SF3A1: variants seen among roughly 807,000 people sequenced by gnomAD.
SF3A1 encodes the protein SAP 114.
In SF3A1, 13 loss-of-function variants were observed where a neutral mutation model predicts 89.9. The ratio of observed to expected loss-of-function variants is 0.14; its 90% CI spans 0.09 to 0.23. SF3A1 has a LOEUF of 0.23. SF3A1 is among the 10% of genes least tolerant of loss of function. The pLI, the probability that SF3A1 is intolerant of heterozygous loss-of-function variation, is 1.00. For missense variants in SF3A1, 604 were observed against 1,022.1 expected, an observed-to-expected ratio of 0.59 and a Z score of 5.58; for synonymous variants, 405 against 374.4, an observed-to-expected ratio of 1.08 and a Z score of -0.94.
At chr22:30,342,646 C>T (rs1287240439) in intron 5 of SF3A1, 159 bp downstream of exon 5, 6 of 637,612 alleles carry the variant, frequency 9.4e-6, no homozygotes, top group Non-Finnish European at 1.4e-5. Flanking sequence ...TGGGAAGCAT[C>T]CGGACTCCAG....
chr22:30,346,245 T>A, intron 3 of SF3A1, 67 bp downstream of exon 3: 1 of 1,059,078 alleles, frequency 9.4e-7, no homozygotes, highest in Non-Finnish European at 1.4e-6. Flanking sequence ...GTTAATTGTG[T>A]ACTCCCTCCC....
At chr22:30,353,742 G>A (rs893210295) in intron 1 of SF3A1, among the ~76,000 whole-genome samples, 1 of 152,082 alleles carries the variant, frequency 6.6e-6, no homozygotes, top group South Asian at 2.1e-4. Context: ...CTTAAGACAC[G>A]AGTCTGCCGA....
chr22:30,347,670 T>C (rs1931460762), intron 2 of SF3A1, among the ~76,000 whole-genome samples: 1 of 152,236 alleles, frequency 6.6e-6, no homozygotes, highest in Non-Finnish European at 1.5e-5. Context: ...AGTCAGAAAG[T>C]ACACGGACCT....
chr22:30,342,105 A>C, intron 6 of SF3A1, 95 bp downstream of exon 6: 1 of 1,445,002 alleles, frequency 6.9e-7, no homozygotes, highest in Non-Finnish European at 9.7e-7. Flanking sequence ...AAGCCCTCTG[A>C]GAGATTCTAC....
chr22:30,339,581 C>T (rs549579758), intron 9 of SF3A1, among the ~76,000 whole-genome samples: 1 of 152,250 alleles, frequency 6.6e-6, no homozygotes, highest in East Asian at 1.9e-4. Flanking sequence ...CATAGCGAAA[C>T]CCCGTCTCTA....
intron 3 of SF3A1, 77 bp from the exon 4 acceptor site, chr22:30,345,267 G>C: frequency 7.3e-7 from 1 of 1,368,688 alleles, no homozygotes; most frequent in Non-Finnish European, 1.0e-6. Flanking sequence ...AGGGGACATG[G>C]GCATGCACCC....
rs1931382774 is a variant in SF3A1 at position 30,345,210 on chromosome 22, T to C, written c.394-20A>G. The C allele has an allele frequency of 1.9e-6, 3 of 1,606,404 alleles. No homozygotes were observed. Among genetic ancestry groups the C allele is most frequent in the South Asian group, 1.1e-5 (1 of 90,506 alleles). On this transcript the variant is annotated intron_variant, in intron 3 of 15. Coordinates refer to ENST00000215793, the MANE Select transcript of SF3A1 (RefSeq NM_005877.6). Reference sequence around the variant, plus strand: ...TTGGACCTAAGATGCAAAGGGAGTATGAGGCGAGAGGCACAGGGGTGAACA... The same window carrying C: ...TTGGACCTAAGATGCAAAGGGAGTACGAGGCGAGAGGCACAGGGGTGAACA...
At chr22:30,342,756 A>C in intron 5 of SF3A1, 49 bp downstream of exon 5, 1 of 1,218,536 alleles carries the variant, frequency 8.2e-7, no homozygotes, top group African/African-American at 1.5e-5. Flanking sequence ...CAGACATAAA[A>C]CAGAACCAAC....
chr22:30,352,310 C>T (rs1054266479), intron 2 of SF3A1, among the ~76,000 whole-genome samples: 1 of 150,748 alleles, frequency 6.6e-6, no homozygotes, highest in African/African-American at 2.4e-5. Flanking sequence ...GACCAATGCC[C>T]ATTCCATCTG....
chr22:30,338,662 T>C, intron 11 of SF3A1, 127 bp downstream of exon 11: 1 of 1,204,464 alleles, frequency 8.3e-7, no homozygotes, highest in Admixed American at 2.1e-5. Flanking sequence ...AAGGGCTCTT[T>C]CTCTTTCAAA....
At chr22:30,349,771 G>A (rs1213848831) in intron 2 of SF3A1, among the ~76,000 whole-genome samples, 1 of 150,590 alleles carries the variant, frequency 6.6e-6, no homozygotes, top group African/African-American at 2.4e-5. Context: ...ATCCTCCCAA[G>A]TGGCTAGAAA....
chr22:30,338,433 G>C (rs1931144593), intron 11 of SF3A1, among the ~76,000 whole-genome samples: 1 of 150,400 alleles, frequency 6.6e-6, no homozygotes, highest in Non-Finnish European at 1.5e-5. Context: ...ACTCCAGCCT[G>C]GGCGACAAGA....
chr22:30,341,556 A>G lies in SF3A1; in HGVS notation c.1071+136T>C, dbSNP rs964174611. 6 of 442,290 alleles carry G rather than the reference A, an allele frequency of 1.4e-5. 2 individuals carry two copies. Among genetic ancestry groups the G allele is most frequent in the Non-Finnish European group, 2.5e-5 (6 of 236,634 alleles). 27.4% of individuals were successfully genotyped at this position (442,290 alleles called of 1,614,324 possible). A position where few individuals can be genotyped will look rare whatever the true frequency, so the allele number is the denominator to read the frequency against. On this transcript the variant is annotated intron_variant, in intron 7 of 15. Transcript: ENST00000215793. Reference sequence around the variant, plus strand: ...GGCTCTGTGCTGCCTGGACTTGGGCAGCTGTATGGCCTTGTTCAGGACCCA... The same window carrying G: ...GGCTCTGTGCTGCCTGGACTTGGGCGGCTGTATGGCCTTGTTCAGGACCCA...
intron 2 of SF3A1, 59 bp from the exon 3 acceptor site, chr22:30,346,578 G>C (rs1339061267): frequency 3.2e-6 from 5 of 1,584,636 alleles, no homozygotes; most frequent in Middle Eastern, 1.7e-4. Context: ...CTGTGATCTA[G>C]AACACTGCCC....
At chr22:30,350,313 TA>T (rs898407699) in intron 2 of SF3A1, among the ~76,000 whole-genome samples, 2 of 139,390 alleles carry the variant, frequency 1.4e-5, no homozygotes, top group Admixed American at 7.4e-5. Context: ...CTAAAAAAAA[TA>T]AAAAAAATAA....
chr22:30,355,826 G>A (rs141769130), intron 1 of SF3A1, among the ~76,000 whole-genome samples: 19 of 32,494 alleles, frequency 5.8e-4, no homozygotes, highest in East Asian at 5.4e-3. Context: ...CCCCCCCCCC[G>A]CCCCCCTTAT....
intron 2 of SF3A1, among the ~76,000 whole-genome samples, chr22:30,350,620 T>C (rs1272720029): frequency 6.6e-6 from 1 of 151,876 alleles, no homozygotes; most frequent in Non-Finnish European, 1.5e-5. Context: ...TGGAGCAAAA[T>C]GGAAAAATGC....
chr22:30,333,631 T>C lies in SF3A1; in HGVS notation c.*963A>G, dbSNP rs1186920547. On this transcript the variant is annotated 3_prime_UTR_variant, in exon 16 of 16. Coordinates refer to ENST00000215793, the MANE Select transcript of SF3A1 (RefSeq NM_005877.6). ...ACTATGGCATGCAACTTATGTTCTC[T>C]GTGCCTCAGTTTACTCAAGTGTTAA... 6.6e-6 allele frequency: 1 copy of C among 152,260 alleles called. No homozygotes were observed. Among genetic ancestry groups the C allele is most frequent in the African/African-American group, 2.4e-5 (1 of 41,472 alleles). The allele number at this position is 152,260 out of a possible 1,614,324, so 9.4% of individuals were successfully genotyped here. A position where few individuals can be genotyped will look rare whatever the true frequency, so the allele number is the denominator to read the frequency against.
rs770845427 is a variant in SF3A1, at chr22:30,346,529, G to GA, written c.186-11dup. On this transcript the variant is annotated splice_polypyrimidine_tract_variant and intron_variant, in intron 2 of 15. Coordinates refer to ENST00000215793, the MANE Select transcript of SF3A1 (RefSeq NM_005877.6). The stretch of plus-strand genomic sequence containing the variant: ...AAATTCAGGCCCGTTTCTGGAGGAA[G>GA]AAAAAACAACAAGAATAAACACCAC... 1.2e-6 allele frequency: 2 copies of GA among 1,612,568 alleles called. No individual in the cohort carries two copies. The highest frequency in any genetic ancestry group is 1.1e-5 in the South Asian group (1 of 90,990).
Sources: allele counts gnomAD v4.1 joint callset (sites outside exome capture counted in the v4.1 genomes callset), GRCh38; gene constraint gnomAD v4.1.1; transcripts MANE v1.5; gene names NCBI Gene and HGNC (gene_info 2026-07-23, HGNC 2026-07-21).